Variants in ACVR2A observed in about 807,000 individuals in gnomAD.
ACVR2A encodes activin receptor type-2A.
ACVR2A carries 7 observed loss-of-function variants against 61.4 expected under a neutral mutation model. The ratio of observed to expected loss-of-function variants is 0.11; its 90% confidence interval spans 0.06 to 0.21. The LOEUF (loss-of-function observed/expected upper bound fraction) is 0.21. Among genes scored for constraint, ACVR2A ranks in the 10% least tolerant of loss-of-function variants. The probability of loss-of-function intolerance (pLI) is 1.00; values close to 1 mark genes in which losing one functional copy is unlikely to be tolerated. For missense variants in ACVR2A, 322 were observed against 621.7 expected, an observed-to-expected ratio of 0.52 and a Z score of 5.13; for synonymous variants, 193 against 208.3, an observed-to-expected ratio of 0.93 and a Z score of 0.63.
Position 147,930,219 on chromosome 2 carries a change from A to C in ACVR2A, c.*2945A>C, listed in dbSNP as rs1687638135. On this transcript the variant is annotated 3_prime_UTR_variant, in exon 11 of 11. Transcript: ENST00000241416. The stretch of plus-strand genomic sequence containing the variant: ...ATTTAAAATAGAATCATATCATGAA[A>C]TTTAAAAAGAATCTCTTCTGTTGCA... The C allele has an allele frequency of 6.6e-6, 1 of 152,434 alleles. No individual in the cohort carries two copies. The highest frequency in any genetic ancestry group is 1.5e-5 in the Non-Finnish European group (1 of 67,984). 9.4% of individuals were successfully genotyped at this position (152,434 alleles called of 1,614,324 possible).
intron 4 of ACVR2A, among the ~76,000 whole-genome samples, chr2:147,901,273 C>G (rs1686866567): frequency 6.6e-6 from 1 of 151,856 alleles, no homozygotes; most frequent in African/African-American, 2.4e-5. Flanking sequence ...ATAATAGTTT[C>G]CTCAGTTTAC....
chr2:147,889,696 G>A (rs1007327556), intron 1 of ACVR2A, among the ~76,000 whole-genome samples: 1 of 151,962 alleles, frequency 6.6e-6, no homozygotes, highest in Non-Finnish European at 1.5e-5. Flanking sequence ...GCAGTGAGCC[G>A]AGATCGCACC....
Position 147,899,544 on chromosome 2 carries a change from T to C in ACVR2A, c.350T>C (p.Phe117Ser). 6.2e-7 allele frequency: 1 copy of C among 1,613,442 alleles called. No homozygotes were observed. Residue 117 changes from phenylalanine to serine, a missense_variant, in exon 3 of 11, where the codon TTT (phenylalanine) becomes TCT (serine). Around this residue, in one of 3 missense-constraint regions of ACVR2A, gnomAD observed 142 missense variants for 200.3 expected, o/e 0.71. Coordinates refer to ENST00000241416, the MANE Select transcript of ACVR2A (RefSeq NM_001616.5). ...ATGTGTAATGAAAAGTTTTCTTATT[T>C]TCCGGAGATGGAAGTCACACAGCGT... is the stretch of plus-strand genomic sequence containing the variant. ...GNMCNEKFSY[F>S]PEMEVTQPTS...
chr2:147,846,972 ATTAC>A (rs1685327900), intron 1 of ACVR2A, among the ~76,000 whole-genome samples: 1 of 152,046 alleles, frequency 6.6e-6, no homozygotes, highest in African/African-American at 2.4e-5. Context: ...GTCTCAAGGT[ATTAC>A]TTCTTGAAAA....
At chr2:147,852,624 T>C (rs559953105) in intron 1 of ACVR2A, among the ~76,000 whole-genome samples, 3 of 152,122 alleles carry the variant, frequency 2.0e-5, no homozygotes, top group Non-Finnish European at 4.4e-5. Context: ...GTCTTCTCTC[T>C]TTTGGACTAG....
chr2:147,891,583 A>G (rs1370255553), intron 1 of ACVR2A, among the ~76,000 whole-genome samples: 1 of 152,160 alleles, frequency 6.6e-6, no homozygotes, highest in Non-Finnish European at 1.5e-5. Flanking sequence ...AAAAATCCAA[A>G]AAAAGAATAA....
At position 147,912,977 on chromosome 2, in the gene ACVR2A, G is replaced by A. The variant is rs375110231; in HGVS notation, c.529-2214G>A. On this transcript the variant is annotated intron_variant, in intron 4 of 10. Coordinates refer to ENST00000241416, the MANE Select transcript of ACVR2A (RefSeq NM_001616.5). The stretch of plus-strand genomic sequence containing the variant: ...ATACAATATTGAATAAATTATAGTA[G>A]GAGGGTGATCTAAGATTATTTCTTT... Among the ~76,000 whole-genome samples the A allele has an allele frequency of 5.9e-5, 9 of 151,884 alleles. No homozygotes were observed. In the South Asian group the frequency reaches 1.0e-3, roughly 18 times the overall value.
chr2:147,917,175 T>C, intron 5 of ACVR2A, 108 bp from the exon 6 acceptor site: 3 of 1,214,386 alleles, frequency 2.5e-6, no homozygotes, highest in Non-Finnish European at 3.3e-6. Context: ...TTTAAGACTT[T>C]TTTGTTTTGT....
intron 1 of ACVR2A, among the ~76,000 whole-genome samples, chr2:147,847,069 A>G (rs796934887): frequency 6.6e-6 from 1 of 151,888 alleles, no homozygotes; most frequent in Non-Finnish European, 1.5e-5. Flanking sequence ...TTGTGGGATT[A>G]TTTTCATTGG....
At chr2:147,909,018 C>G (rs1485773921) in intron 4 of ACVR2A, among the ~76,000 whole-genome samples, 2 of 152,136 alleles carry the variant, frequency 1.3e-5, no homozygotes, top group African/African-American at 2.4e-5. Context: ...ATTTATATGT[C>G]TCCAAGCACT....
At chr2:147,921,643 A>G (rs1342476859) in intron 8 of ACVR2A, among the ~76,000 whole-genome samples, 1 of 152,106 alleles carries the variant, frequency 6.6e-6, no homozygotes, top group Non-Finnish European at 1.5e-5. Flanking sequence ...AATGGAGGCA[A>G]TTTTGTGGAG....
chr2:147,882,659 G>T (rs1231232079), intron 1 of ACVR2A, among the ~76,000 whole-genome samples: 2 of 152,172 alleles, frequency 1.3e-5, no homozygotes, highest in African/African-American at 4.8e-5. Context: ...ATTGTCTAGT[G>T]CCACAACATA....
intron 1 of ACVR2A, among the ~76,000 whole-genome samples, chr2:147,869,402 C>T (rs1324822922): frequency 6.6e-6 from 1 of 152,120 alleles, no homozygotes; most frequent in Non-Finnish European, 1.5e-5. Context: ...TTTATGATTG[C>T]AAGACCCTCG....
chr2:147,895,443 A>G (rs780336896), intron 1 of ACVR2A, among the ~76,000 whole-genome samples: 5 of 152,130 alleles, frequency 3.3e-5, no homozygotes, highest in African/African-American at 4.8e-5. Context: ...TGGTTCTAGC[A>G]TATTTTTCAT....
intron 4 of ACVR2A, among the ~76,000 whole-genome samples, chr2:147,913,331 C>T (rs1445992180): frequency 1.3e-5 from 2 of 151,890 alleles, no homozygotes; most frequent in East Asian, 1.9e-4. Flanking sequence ...TGTAATTTAG[C>T]ACTGTATTCC....
intron 1 of ACVR2A, among the ~76,000 whole-genome samples, chr2:147,853,665 AG>A (rs771205897): frequency 2.0e-4 from 31 of 152,128 alleles, no homozygotes; most frequent in Non-Finnish European, 3.8e-4. Flanking sequence ...ACATGTGGGG[AG>A]GGGTTGCCTT....
chr2:147,855,751 T>C (rs1468075348), intron 1 of ACVR2A, among the ~76,000 whole-genome samples: 2 of 152,162 alleles, frequency 1.3e-5, no homozygotes, highest in Admixed American at 6.5e-5. Context: ...ATACAAATTC[T>C]CAGAAAAAAG....
At chr2:147,846,474 G>A (rs143888422) in intron 1 of ACVR2A, among the ~76,000 whole-genome samples, 1 of 151,786 alleles carries the variant, frequency 6.6e-6, no homozygotes, top group African/African-American at 2.4e-5. Flanking sequence ...TTGCTGAATG[G>A]TACATTTCCT....
chr2:147,907,489 C>T (rs550148165), intron 4 of ACVR2A, among the ~76,000 whole-genome samples: 4 of 152,164 alleles, frequency 2.6e-5, no homozygotes, highest in African/African-American at 4.8e-5. Flanking sequence ...TCTCCACAGC[C>T]TCGCCAGCAC....
Sources: allele counts gnomAD v4.1 joint callset (sites outside exome capture counted in the v4.1 genomes callset), GRCh38; gene constraint gnomAD v4.1.1; regional missense constraint gnomAD v4.1.1; transcripts MANE v1.5; gene names NCBI Gene and HGNC (gene_info 2026-07-23, HGNC 2026-07-21).